The following AP3D1 variants were observed in gnomAD, a reference collection of about 807,000 sequenced individuals.
AP3D1 encodes AP-3 complex subunit delta-1.
Under a neutral mutation model 147.6 loss-of-function variants are expected in AP3D1, and 51 were observed. The observed-to-expected ratio is 0.35, with a 90% confidence interval of 0.28 to 0.44. The LOEUF (loss-of-function observed/expected upper bound fraction) is 0.44. AP3D1 is among the 20% of genes least tolerant of loss of function. AP3D1 has a pLI of 1.00. For missense variants in AP3D1, 1,421 were observed against 1,624.2 expected (o/e 0.87, Z 2.15); for synonymous variants, 760 against 663.0 (o/e 1.15, Z -2.25).
At chr19:2,114,500 C>A (rs1299167929) in intron 21 of AP3D1, among the ~76,000 whole-genome samples, 198 bp from the exon 22 acceptor site, 1 of 152,146 alleles carries the variant, frequency 6.6e-6, no homozygotes, top group Non-Finnish European at 1.5e-5. Context: ...CCACACCCTG[C>A]CCTGTCAAGG....
chr19:2,121,077 C>T lies in AP3D1; in HGVS notation c.1266G>A (p.Leu422=), dbSNP rs150527057. The T allele has an allele frequency of 5.6e-6, 9 of 1,613,754 alleles. No homozygotes were observed. The highest frequency in any genetic ancestry group is 1.6e-4 in the Middle Eastern group (1 of 6,062). ...ITNFEWYISI[L]VELTRLEGTR... ...TGCCCTCCAGCCGGGTCAGCTCCAC[C>T]AGGATGCTGATGTACCTGTGGGGCA... The change falls in exon 14 of 32, where the codon CTG becomes CTA. Residue 422 remains leucine, a synonymous_variant. Coordinates refer to ENST00000643116, the MANE Select transcript of AP3D1 (RefSeq NM_001261826.3).
At chr19:2,115,058 G>A (rs760773947) in intron 20 of AP3D1, among the ~76,000 whole-genome samples, 161 bp downstream of exon 20, 2 of 152,210 alleles carry the variant, frequency 1.3e-5, no homozygotes, top group East Asian at 1.9e-4. Context: ...GTCGGGACGC[G>A]TGCTCGAGGA....
At chr19:2,145,138 G>A (rs961346914) in intron 1 of AP3D1, among the ~76,000 whole-genome samples, 4 of 152,224 alleles carry the variant, frequency 2.6e-5, no homozygotes, top group African/African-American at 9.6e-5. Flanking sequence ...TGGCTCAGCA[G>A]CATCACAGGA....
At chr19:2,127,279 G>C (rs2018783600) in intron 8 of AP3D1, 78 bp from the exon 9 acceptor site, 1 of 1,491,240 alleles carries the variant, frequency 6.7e-7, no homozygotes, top group Non-Finnish European at 9.2e-7. Context: ...CGGCAGCTCA[G>C]CTGGAGACGG....
chr19:2,125,449 G>A (rs1328984959), intron 9 of AP3D1, among the ~76,000 whole-genome samples: 3 of 152,180 alleles, frequency 2.0e-5, no homozygotes, highest in South Asian at 2.1e-4. Flanking sequence ...CCAAGTAGTC[G>A]GGATTACAGG....
At chr19:2,118,507 G>T in intron 15 of AP3D1, 94 bp downstream of exon 15, 2 of 1,193,380 alleles carry the variant, frequency 1.7e-6, no homozygotes, top group Non-Finnish European at 1.2e-6. Flanking sequence ...GGCTTCGGAA[G>T]AGGAAGCGAG....
intron 9 of AP3D1, among the ~76,000 whole-genome samples, chr19:2,124,182 C>G (rs867676139): frequency 6.6e-6 from 1 of 152,238 alleles, no homozygotes; most frequent in African/African-American, 2.4e-5. Flanking sequence ...TCTGGAATCC[C>G]GGCAGGGGCC....
At chr19:2,124,886 C>A (rs1345110769) in intron 9 of AP3D1, among the ~76,000 whole-genome samples, 1 of 152,128 alleles carries the variant, frequency 6.6e-6, no homozygotes, top group African/African-American at 2.4e-5. Flanking sequence ...TTGCGGTGAG[C>A]CAAGATTGTG....
Position 2,129,400 on chromosome 19 carries a change from T to C in AP3D1, c.650A>G (p.Asn217Ser). The change falls in exon 7 of 32, where the codon AAC becomes AGC. Residue 217 changes from asparagine to serine, a missense_variant. Asn to Ser is a conservative substitution (Grantham distance 46). This residue lies in a region of AP3D1 where 292 missense variants were observed against 412.0 expected (regional missense o/e 0.71). Transcript: ENST00000643116. ...AAAGAGCGGGGCCAGGGACAGGTAG[T>C]TCTTAGGGTTGCGTCTGGCCAGCTC... is the stretch of plus-strand genomic sequence containing the variant. ...ICELARRNPKNYLSLAPLFFK... is the reference protein window; with the variant it reads ...ICELARRNPKSYLSLAPLFFK... 1 of 1,614,008 alleles carries C rather than the reference T, an allele frequency of 6.2e-7. No individual in the cohort carries two copies. Among genetic ancestry groups the C allele is most frequent in the South Asian group, 1.1e-5 (1 of 91,088 alleles).
intron 14 of AP3D1, among the ~76,000 whole-genome samples, chr19:2,120,648 GA>G (rs2018583050): frequency 6.6e-6 from 1 of 152,226 alleles, no homozygotes; most frequent in African/African-American, 2.4e-5. Flanking sequence ...CCCGAGGGCA[GA>G]GGGCAGACAG....
intron 1 of AP3D1, among the ~76,000 whole-genome samples, chr19:2,145,330 C>T (rs1011847479): frequency 6.6e-6 from 1 of 152,200 alleles, no homozygotes; most frequent in East Asian, 1.9e-4. Context: ...CCGGGGTCCC[C>T]ACATCCCTCC....
At position 2,121,227 on chromosome 19, in the gene AP3D1, G is replaced by A. The variant is rs2018602048; in HGVS notation, c.1186C>T (p.Leu396=). Residue 396 remains leucine (L), a synonymous_variant, in exon 13 of 32, where the codon CTG becomes TTG. Coordinates refer to ENST00000643116, the MANE Select transcript of AP3D1 (RefSeq NM_001261826.3). The part of the protein sequence containing the change: ...KAEGTTYRDE[L]LTKIIDICSQ... ...CAGATGTCAATGATCTTGGTGAGCA[G>A]CTCGTCACGGTAGGTGGTACCCTCT... 5 of 1,614,098 alleles carry A rather than the reference G, an allele frequency of 3.1e-6. No individual in the cohort carries two copies. The South Asian group carries it at 5.5e-5, about 18-fold the overall frequency.
chr19:2,110,360 G>A (rs1241173648), intron 27 of AP3D1, 136 bp from the exon 28 acceptor site: 29 of 760,260 alleles, frequency 3.8e-5, no homozygotes, highest in Non-Finnish European at 6.0e-5. Flanking sequence ...GGAGCACCAG[G>A]GGACAGGAGC....
At chr19:2,118,529 C>T in intron 15 of AP3D1, 72 bp downstream of exon 15, 1 of 1,432,354 alleles carries the variant, frequency 7.0e-7, no homozygotes, top group Non-Finnish European at 9.5e-7. Context: ...CCCCGTCGAC[C>T]TGGCCGCCAC....
chr19:2,161,163 T>G (rs990683573), intron 1 of AP3D1, among the ~76,000 whole-genome samples: 3 of 142,548 alleles, frequency 2.1e-5, no homozygotes, highest in Non-Finnish European at 3.1e-5. Flanking sequence ...TAGTTTTTTT[T>G]TTTTTTTTTT....
Position 2,111,785 on chromosome 19 carries a change from T to G in AP3D1, c.2831A>C (p.Glu944Ala). Residue 944 changes from glutamate (E) to alanine (A), a missense_variant, in exon 25 of 32, where the codon GAG (glutamate) becomes GCG (alanine). Physicochemically the swap from Glu to Ala is moderately radical, Grantham distance 107. Coordinates refer to ENST00000643116, the MANE Select transcript of AP3D1 (RefSeq NM_001261826.3). ...PKKKKHRKEK[E>A]ERTKGKKKSK... ...CTTCTTCTTGCCTTTGGTCCGCTCC[T>G]CCTTCTCCTTCCTGTGCTTCTTCTT... 6.2e-7 allele frequency: 1 copy of G among 1,613,886 alleles called. No individual in the cohort carries two copies. Among genetic ancestry groups the G allele is most frequent in the Admixed American group, 1.7e-5 (1 of 59,998 alleles).
At chr19:2,143,298 C>T (rs1371797574) in intron 1 of AP3D1, among the ~76,000 whole-genome samples, 4 of 135,964 alleles carry the variant, frequency 2.9e-5, no homozygotes, top group South Asian at 4.7e-4. Context: ...TGGAGTGCAG[C>T]AGCGCGATCT....
intron 8 of AP3D1, among the ~76,000 whole-genome samples, chr19:2,128,081 T>C (rs1040965407): frequency 6.6e-6 from 1 of 152,198 alleles, no homozygotes; most frequent in African/African-American, 2.4e-5. Context: ...CTGAAAGTCA[T>C]GGCGATGACG....
At chr19:2,132,970 G>C (rs945065889) in intron 4 of AP3D1, among the ~76,000 whole-genome samples, 18 of 152,168 alleles carry the variant, frequency 1.2e-4, no homozygotes, top group Admixed American at 2.6e-4. Flanking sequence ...AATCAACCGA[G>C]TTTCCTGGCA....
Sources: allele counts gnomAD v4.1 joint callset (sites outside exome capture counted in the v4.1 genomes callset), GRCh38; gene constraint gnomAD v4.1.1; regional missense constraint gnomAD v4.1.1; transcripts MANE v1.5; gene names NCBI Gene and HGNC (gene_info 2026-07-23, HGNC 2026-07-21).